Variants in SIDT1 observed in about 807,000 individuals in gnomAD.
SIDT1 encodes the protein SID1 transmembrane family, member 1.
Under a neutral mutation model 107.5 loss-of-function variants are expected in SIDT1, and 101 were observed. That is an observed-to-expected ratio of 0.94 (90% CI 0.80 to 1.11). SIDT1 has a LOEUF of 1.11. Ranked by LOEUF, SIDT1 falls within the 50% of genes least tolerant of loss-of-function variation. The pLI, the probability that SIDT1 is intolerant of heterozygous loss-of-function variation, is 0.00. For missense variants in SIDT1, 1,076 were observed against 1,058.2 expected, an observed-to-expected ratio of 1.02 and a Z score of -0.23; for synonymous variants, 395 against 398.2, an observed-to-expected ratio of 0.99 and a Z score of 0.10.
chr3:113,533,028 G>A lies in SIDT1; in HGVS notation c.7G>A (p.Gly3Ser), dbSNP rs9879313. The A allele has an allele frequency of 0.048, 66,042 of 1,369,100 alleles. 2,653 individuals carry two copies. Among genetic ancestry groups the A allele is most frequent in the African/African-American group, 0.21 (13,659 of 65,442 alleles). The allele number at this position is 1,369,100 out of a possible 1,614,324, so 84.8% of individuals were successfully genotyped here. The change falls in exon 1 of 25, where the codon GGC becomes AGC. Residue 3 changes from glycine to serine, a missense_variant. By Grantham distance (56) the Gly-to-Ser change is moderately conservative (BLOSUM62 0). Transcript: ENST00000264852. ...CCCGGGCGCGGTGCCCACCATGCGC[G>A]GCTGCCTGCGGCTCGCGCTGCTCTG... is the stretch of plus-strand genomic sequence containing the variant. MR[G>S]CLRLALLCAL...
chr3:113,630,977 A>C (rs1436896021), downstream of SIDT1, among the ~76,000 whole-genome samples: 1 of 152,098 alleles, frequency 6.6e-6, no homozygotes, highest in African/African-American at 2.4e-5. Context: ...TCATCTTCAG[A>C]GACACTGCCC....
intron 3 of SIDT1, among the ~76,000 whole-genome samples, chr3:113,569,829 C>A (rs1476815938): frequency 1.3e-5 from 2 of 152,138 alleles, no homozygotes; most frequent in African/African-American, 4.8e-5. Flanking sequence ...GTTTAAAGTT[C>A]CCCAGGTGTT....
At chr3:113,630,247 G>T (rs866242724), downstream of SIDT1, among the ~76,000 whole-genome samples, 2 of 152,230 alleles carry the variant, frequency 1.3e-5, no homozygotes, top group African/African-American at 4.8e-5. Context: ...CAGGACAGAG[G>T]TGTAGCAGCC....
chr3:113,594,796 CCT>C (rs1944421001), intron 10 of SIDT1: 1 of 153,830 alleles, frequency 6.5e-6, no homozygotes, highest in Admixed American at 6.5e-5. Context: ...AAATCTCAAA[CCT>C]GCTTAATCAA....
At chr3:113,576,166 A>C (rs190197886) in intron 3 of SIDT1, among the ~76,000 whole-genome samples, 1 of 152,314 alleles carries the variant, frequency 6.6e-6, no homozygotes, top group East Asian at 1.9e-4. Context: ...CTAACTCTTC[A>C]CACTCTCCTT....
At chr3:113,553,025 G>A (rs779130220) in intron 1 of SIDT1, among the ~76,000 whole-genome samples, 30 of 152,184 alleles carry the variant, frequency 2.0e-4, no homozygotes, top group Non-Finnish European at 3.5e-4. Context: ...CAGGAACCAA[G>A]ATGTGACAGG....
chr3:113,590,795 C>T (rs1340593150), intron 9 of SIDT1, among the ~76,000 whole-genome samples: 1 of 152,108 alleles, frequency 6.6e-6, no homozygotes, highest in South Asian at 2.1e-4. Flanking sequence ...TGCAAAACAT[C>T]ATTGAAATAA....
At chr3:113,578,145 C>A (rs1943051586) in intron 4 of SIDT1, among the ~76,000 whole-genome samples, 1 of 152,162 alleles carries the variant, frequency 6.6e-6, no homozygotes. Flanking sequence ...GCACTAATTA[C>A]TAGGTGCAAA....
chr3:113,554,944 T>C (rs1455637731), intron 1 of SIDT1, among the ~76,000 whole-genome samples: 2 of 152,206 alleles, frequency 1.3e-5, no homozygotes, highest in Admixed American at 6.5e-5. Context: ...TGAGGCAACA[T>C]TGAGTTTCCA....
intron 21 of SIDT1, among the ~76,000 whole-genome samples, chr3:113,620,965 G>C (rs1055624360): frequency 2.4e-4 from 36 of 152,152 alleles, no homozygotes; most frequent in Non-Finnish European, 1.0e-4. Context: ...CAGCTCTGTG[G>C]AACAAAAGGG....
At chr3:113,635,361 A>G in the SIDT1 span, among the ~76,000 whole-genome samples, 1 of 152,204 alleles carries the variant, frequency 6.6e-6, no homozygotes, top group African/African-American at 2.4e-5. Context: ...GTTAAAAAAC[A>G]TTCAAAAACT....
At chr3:113,620,374 GCAATCTATCCT>G (rs1946387083) in intron 21 of SIDT1, among the ~76,000 whole-genome samples, 2 of 151,938 alleles carry the variant, frequency 1.3e-5, no homozygotes, top group Non-Finnish European at 2.9e-5. Flanking sequence ...ATTATTTTAT[GCAATCTATCCT>G]CTTATACAGT....
intron 20 of SIDT1, 35 bp downstream of exon 20, chr3:113,616,211 C>T: frequency 6.6e-7 from 1 of 1,514,364 alleles, no homozygotes. Flanking sequence ...TGGCCCTGTC[C>T]CAGAAAGCAG....
chr3:113,566,559 C>T lies in SIDT1; in HGVS notation c.344+18C>T. 6.2e-7 allele frequency: 1 copy of T among 1,609,708 alleles called. No homozygotes were observed. The highest frequency in any genetic ancestry group is 8.5e-7 in the Non-Finnish European group (1 of 1,178,040). On this transcript the variant is annotated intron_variant, in intron 2 of 24. Coordinates refer to ENST00000264852, the MANE Select transcript of SIDT1 (RefSeq NM_017699.3). ...CAAGGACTGTAAGTGGGTTTTCTTC[C>T]AGGCAACTTCACTATGTTTAGTTTT...
At chr3:113,603,925 A>G (rs370949639) in intron 12 of SIDT1, 35 bp from the exon 13 acceptor site, 113 of 1,466,176 alleles carry the variant, frequency 7.7e-5, no homozygotes, top group Non-Finnish European at 1.0e-4. Context: ...AGAGCTGAGT[A>G]CAGTTTTGCA....
intron 1 of SIDT1, among the ~76,000 whole-genome samples, chr3:113,560,200 A>C (rs181755776): frequency 6.6e-6 from 1 of 152,130 alleles, no homozygotes; most frequent in Non-Finnish European, 1.5e-5. Flanking sequence ...GGTCTTATGC[A>C]TCAAGCAGGC....
rs1559992455 is a variant in SIDT1 at position 113,533,039 on chromosome 3, G to A, written c.18G>A (p.Arg6=). The A allele has an allele frequency of 2.2e-6, 3 of 1,382,898 alleles. No individual in the cohort carries two copies. The highest frequency in any genetic ancestry group is 1.9e-6 in the Non-Finnish European group (2 of 1,071,538). 85.7% of individuals were successfully genotyped at this position (1,382,898 alleles called of 1,614,324 possible). MRGCL[R]LALLCALPWL... ...TGCCCACCATGCGCGGCTGCCTGCGGCTCGCGCTGCTCTGCGCGCTGCCCT... is the reference window on the plus strand; with the variant it reads ...TGCCCACCATGCGCGGCTGCCTGCGACTCGCGCTGCTCTGCGCGCTGCCCT... Residue 6 remains arginine, a synonymous_variant, in exon 1 of 25, where the codon CGG becomes CGA. Transcript: ENST00000264852.
rs566503793 is a variant in SIDT1, at chr3:113,627,696, C to T, written c.2472C>T (p.Ile824=). 1.2e-5 allele frequency: 19 copies of T among 1,613,658 alleles called. No homozygotes were observed. Among genetic ancestry groups the T allele is most frequent in the Admixed American group, 1.2e-4 (7 of 60,006 alleles). The change falls in exon 25 of 25, where the codon ATC becomes ATT. Residue 824 remains isoleucine (I), a synonymous_variant. Coordinates refer to ENST00000264852, the MANE Select transcript of SIDT1 (RefSeq NM_017699.3). ...DDLDVVRRDQ[I]PVF ...TTGATGTGGTTCGGAGAGACCAGAT[C>T]CCTGTCTTCTGAACCTCCAACATTA...
chr3:113,604,270 A>G (rs991231830), intron 13 of SIDT1, among the ~76,000 whole-genome samples: 2 of 152,210 alleles, frequency 1.3e-5, no homozygotes, highest in Non-Finnish European at 1.5e-5. Context: ...GAAACCCCCA[A>G]GCTGAGTATT....
Sources: allele counts gnomAD v4.1 joint callset (sites outside exome capture counted in the v4.1 genomes callset), GRCh38; gene constraint gnomAD v4.1.1; transcripts MANE v1.5; gene names NCBI Gene and HGNC (gene_info 2026-07-23, HGNC 2026-07-21).